Variants in KCNIP4 observed in about 807,000 individuals in gnomAD.
KCNIP4 encodes the protein Kv channel-interacting protein 4.
Under a neutral mutation model 34.0 loss-of-function variants are expected in KCNIP4, and 12 were observed. The observed-to-expected ratio is 0.35, with a 90% CI of 0.23 to 0.57. The LOEUF is 0.57. Ranked by LOEUF, KCNIP4 falls within the 20% of genes least tolerant of loss-of-function variation. The probability of loss-of-function intolerance (pLI) is 0.83; values close to 1 mark genes in which losing one functional copy is unlikely to be tolerated. For synonymous variants in KCNIP4, 124 were observed against 102.2 expected, an observed-to-expected ratio of 1.21 and a Z score of -1.29; for missense variants, 238 against 311.7, an observed-to-expected ratio of 0.76 and a Z score of 1.78.
At chr4:21,259,546 T>C (rs551695264) in intron 1 of KCNIP4, among the ~76,000 whole-genome samples, 21 of 152,270 alleles carry the variant, frequency 1.4e-4, no homozygotes, top group African/African-American at 1.9e-4. Context: ...CTTTCTGCCA[T>C]TGGCTACTGG....
chr4:21,463,386 T>C (rs1729645286), intron 1 of KCNIP4, among the ~76,000 whole-genome samples: 1 of 152,054 alleles, frequency 6.6e-6, no homozygotes, highest in African/African-American at 2.4e-5. Context: ...GTGATTGAGT[T>C]GTTTGAGTTC....
chr4:21,050,605 C>G (rs1046088391), intron 1 of KCNIP4, among the ~76,000 whole-genome samples: 4 of 152,068 alleles, frequency 2.6e-5, no homozygotes, highest in African/African-American at 9.7e-5. Context: ...TTGAATAATT[C>G]TATAAACCTT....
In KCNIP4 at chr4:21,444,476, C is replaced by A. The variant is rs553496571; in HGVS notation, c.61+504095G>T. ...GGATGCAAGGCTGGTTCAACATACG[C>A]AAATCAGTAAACATAATCCAGCATA... On this transcript the variant is annotated intron_variant, in intron 1 of 8. Coordinates refer to ENST00000382152, the MANE Select transcript of KCNIP4 (RefSeq NM_025221.6). Among the ~76,000 whole-genome samples the A allele has an allele frequency of 9.3e-4, 142 of 152,272 alleles. 1 individual carries two copies. In the South Asian group the frequency reaches 0.029, roughly 31 times the overall value.
At chr4:21,513,430 A>G (rs532064318) in intron 1 of KCNIP4, among the ~76,000 whole-genome samples, 39 of 152,342 alleles carry the variant, frequency 2.6e-4, no homozygotes, top group African/African-American at 8.9e-4. Flanking sequence ...ATATGTGAGA[A>G]GCTGGCATTG....
chr4:21,920,802 G>C (rs1039990975), intron 1 of KCNIP4, among the ~76,000 whole-genome samples: 3 of 152,080 alleles, frequency 2.0e-5, no homozygotes, highest in Non-Finnish European at 1.5e-5. Context: ...TTACCAGCAG[G>C]CTGCAGATAT....
chr4:21,809,059 T>C (rs1005919456), intron 1 of KCNIP4, among the ~76,000 whole-genome samples: 1 of 152,230 alleles, frequency 6.6e-6, no homozygotes, highest in Non-Finnish European at 1.5e-5. Context: ...TCAACTTGAC[T>C]GGGCTGTGGG....
intron 1 of KCNIP4, among the ~76,000 whole-genome samples, chr4:21,065,216 A>G (rs1272733837): frequency 1.3e-5 from 2 of 151,964 alleles, no homozygotes; most frequent in African/African-American, 2.4e-5. Context: ...CTTGTGGTGA[A>G]CGTACAAGTG....
chr4:21,443,891 C>T (rs1293932320), intron 1 of KCNIP4, among the ~76,000 whole-genome samples: 1 of 152,076 alleles, frequency 6.6e-6, no homozygotes, highest in Non-Finnish European at 1.5e-5. Context: ...CATTACATCA[C>T]TGCACTCGAG....
intron 1 of KCNIP4, among the ~76,000 whole-genome samples, chr4:21,435,911 T>C (rs1726905084): frequency 6.6e-6 from 1 of 152,180 alleles, no homozygotes; most frequent in African/African-American, 2.4e-5. Flanking sequence ...ATGTGGTTTC[T>C]GCAAATGAGC....
intron 1 of KCNIP4, among the ~76,000 whole-genome samples, chr4:21,593,612 C>T (rs1742394706): frequency 6.6e-6 from 1 of 152,068 alleles, no homozygotes; most frequent in Admixed American, 6.6e-5. Context: ...AATTTCCATG[C>T]CAAGTCATCT....
chr4:21,077,238 G>A (rs1174802380), intron 1 of KCNIP4, among the ~76,000 whole-genome samples: 7 of 152,064 alleles, frequency 4.6e-5, no homozygotes, highest in African/African-American at 7.2e-5. Context: ...CCATTGCCTC[G>A]AAGTAAATCA....
At chr4:21,157,541 C>A in intron 1 of KCNIP4, among the ~76,000 whole-genome samples, 1 of 151,492 alleles carries the variant, frequency 6.6e-6, no homozygotes, top group African/African-American at 2.4e-5. Context: ...CTCGGAGATA[C>A]CTGGAATGAA....
intron 5 of KCNIP4, among the ~76,000 whole-genome samples, chr4:20,745,474 C>T (rs1752221556): frequency 2.0e-5 from 3 of 152,134 alleles, no homozygotes. Context: ...AAGACTTTTG[C>T]TCCGTGCTTT....
At chr4:21,123,900 G>A (rs922990249) in intron 1 of KCNIP4, among the ~76,000 whole-genome samples, 8 of 152,130 alleles carry the variant, frequency 5.3e-5, no homozygotes, top group African/African-American at 1.7e-4. Flanking sequence ...ACATAACCAC[G>A]CTGGCACCCT....
intron 1 of KCNIP4, among the ~76,000 whole-genome samples, chr4:21,559,937 T>C (rs909437862): frequency 6.6e-6 from 1 of 152,140 alleles, no homozygotes; most frequent in Non-Finnish European, 1.5e-5. Flanking sequence ...TAACTTTTAA[T>C]TTATTCATTT....
At chr4:21,649,762 C>T (rs1178519623) in intron 1 of KCNIP4, among the ~76,000 whole-genome samples, 1 of 152,160 alleles carries the variant, frequency 6.6e-6, no homozygotes, top group Admixed American at 6.5e-5. Flanking sequence ...TCCAAATGCA[C>T]TTGGTGAATT....
intron 3 of KCNIP4, among the ~76,000 whole-genome samples, chr4:20,765,599 G>A (rs1755328849): frequency 6.6e-6 from 1 of 152,168 alleles, no homozygotes; most frequent in Non-Finnish European, 1.5e-5. Context: ...AATGGGCTGA[G>A]GAAAATGTTC....
chr4:21,692,133 A>C (rs10025519), intron 1 of KCNIP4, among the ~76,000 whole-genome samples: 11,678 of 152,222 alleles, frequency 0.077, 1,149 homozygotes, highest in African/African-American at 0.22. Flanking sequence ...ACCACTTACT[A>C]CTTTAAAGTT....
chr4:21,252,644 T>A (rs1050521841), intron 1 of KCNIP4, among the ~76,000 whole-genome samples: 2 of 152,020 alleles, frequency 1.3e-5, no homozygotes, highest in African/African-American at 4.8e-5. Context: ...GGTGAAAAAT[T>A]TCCCCATGCT....
Sources: allele counts gnomAD v4.1 joint callset (sites outside exome capture counted in the v4.1 genomes callset), GRCh38; gene constraint gnomAD v4.1.1; transcripts MANE v1.5; gene names NCBI Gene and HGNC (gene_info 2026-07-23, HGNC 2026-07-21).